EGFLAM: variants seen among roughly 807,000 people sequenced by gnomAD.
The protein encoded by EGFLAM is pikachurin.
A neutral mutation model predicts 113.1 loss-of-function variants in EGFLAM; 79 were observed. That is an observed-to-expected ratio of 0.70 (90% confidence interval 0.58 to 0.84). The LOEUF is 0.84. Ranked by LOEUF, EGFLAM falls within the 40% of genes least tolerant of loss-of-function variation. The pLI is 0.00. For missense variants in EGFLAM, 1,265 were observed against 1,291.6 expected, an observed-to-expected ratio of 0.98 and a Z score of 0.32; for synonymous variants, 504 against 487.6, an observed-to-expected ratio of 1.03 and a Z score of -0.44.
chr5:38,395,953 T>C (rs1443507335), intron 6 of EGFLAM, among the ~76,000 whole-genome samples: 15 of 152,144 alleles, frequency 9.9e-5, no homozygotes, highest in Admixed American at 9.2e-4. Context: ...GTGTGTTCTC[T>C]ACTCATAGAA....
intron 1 of EGFLAM, among the ~76,000 whole-genome samples, chr5:38,285,418 G>A (rs1758133854): frequency 6.6e-6 from 1 of 152,060 alleles, no homozygotes; most frequent in South Asian, 2.1e-4. Context: ...CTGTCACAAC[G>A]GCCTCATTGT....
chr5:38,342,835 A>T (rs932467713), intron 3 of EGFLAM, among the ~76,000 whole-genome samples: 1 of 152,328 alleles, frequency 6.6e-6, no homozygotes, highest in Admixed American at 6.5e-5. Flanking sequence ...ATGCTACGGT[A>T]CTAATATATT....
intron 6 of EGFLAM, among the ~76,000 whole-genome samples, chr5:38,382,042 A>G (rs1490441491): frequency 6.6e-6 from 1 of 152,240 alleles, no homozygotes; most frequent in Non-Finnish European, 1.5e-5. Flanking sequence ...AGTAATTGCA[A>G]AACAGAAATA....
At chr5:38,421,009 T>A (rs1206850398) in intron 12 of EGFLAM, among the ~76,000 whole-genome samples, 1 of 152,196 alleles carries the variant, frequency 6.6e-6, no homozygotes, top group Non-Finnish European at 1.5e-5. Context: ...TTATCCTTCC[T>A]CAGCTTCCAT....
chr5:38,335,108 GT>G (rs1290546056), intron 1 of EGFLAM, among the ~76,000 whole-genome samples: 1 of 152,112 alleles, frequency 6.6e-6, no homozygotes, highest in Non-Finnish European at 1.5e-5. Flanking sequence ...CAAGAGCTCT[GT>G]TTTAAGAATT....
chr5:38,405,441 A>G (rs10085020), intron 6 of EGFLAM, among the ~76,000 whole-genome samples: 33,315 of 152,052 alleles, frequency 0.22, 6,490 homozygotes, highest in African/African-American at 0.53. Context: ...AACTAGATGC[A>G]TTCTTTTGCA....
At chr5:38,296,186 A>G (rs180962844) in intron 1 of EGFLAM, among the ~76,000 whole-genome samples, 155 of 152,328 alleles carry the variant, frequency 1.0e-3, no homozygotes, top group African/African-American at 3.7e-3. Flanking sequence ...GTTAGGAAGA[A>G]GAGTTGTCTC....
chr5:38,408,885 T>C, intron 9 of EGFLAM, 119 bp from the exon 10 acceptor site: 1 of 846,184 alleles, frequency 1.2e-6, no homozygotes, highest in Admixed American at 2.0e-5. Context: ...GCTTGACCCT[T>C]TGTAGATAGG....
At chr5:38,407,180 G>A (rs374989481) in intron 8 of EGFLAM, 34 bp downstream of exon 8, 46 of 1,599,768 alleles carry the variant, frequency 2.9e-5, no homozygotes, top group Non-Finnish European at 3.9e-5. Flanking sequence ...AAGTGGTGAT[G>A]AATTGGCACC....
At chr5:38,426,001 G>T (rs1741994075) in intron 13 of EGFLAM, among the ~76,000 whole-genome samples, 1 of 151,992 alleles carries the variant, frequency 6.6e-6, no homozygotes, top group Non-Finnish European at 1.5e-5. Context: ...TACTCGGGAG[G>T]CTGAGGCAGG....
intron 1 of EGFLAM, among the ~76,000 whole-genome samples, chr5:38,302,468 A>G (rs1229217166): frequency 2.0e-5 from 3 of 152,198 alleles, no homozygotes; most frequent in African/African-American, 7.2e-5. Context: ...AATAATGACT[A>G]CCTCATAAGA....
chr5:38,269,104 A>G (rs1056670833), intron 1 of EGFLAM, among the ~76,000 whole-genome samples: 8 of 152,284 alleles, frequency 5.3e-5, no homozygotes, highest in East Asian at 1.9e-4. Context: ...ACCTGAGCTC[A>G]GGAAGTTGAG....
intron 6 of EGFLAM, among the ~76,000 whole-genome samples, chr5:38,387,193 A>C (rs1260669311): frequency 6.6e-6 from 1 of 152,190 alleles, no homozygotes; most frequent in African/African-American, 2.4e-5. Context: ...TAGAGGCAGA[A>C]AGTAGAAACC....
Position 38,407,037 on chromosome 5 carries a change from T to C in EGFLAM, c.1038T>C (p.Pro346=), listed in dbSNP as rs1741310533. 6.2e-7 allele frequency: 1 copy of C among 1,614,056 alleles called. No individual in the cohort carries two copies. The highest frequency in any genetic ancestry group is 8.5e-7 in the Non-Finnish European group (1 of 1,180,036). ...VAIMSRLFDM[P]CDETLCSADS... ...TAATGTCAAGGCTCTTTGACATGCC[T>C]TGTGATGAAACTCTCTGCTCTGCTG... is the stretch of plus-strand genomic sequence containing the variant. The change falls in exon 8 of 22, where the codon CCT becomes CCC. Residue 346 remains proline (P), a synonymous_variant. Coordinates refer to ENST00000322350, the MANE Select transcript of EGFLAM (RefSeq NM_152403.4).
At chr5:38,433,195 G>A (rs968058935) in intron 15 of EGFLAM, among the ~76,000 whole-genome samples, 1 of 152,216 alleles carries the variant, frequency 6.6e-6, no homozygotes, top group African/African-American at 2.4e-5. Context: ...TAGGGCAGGG[G>A]TTAGAGTACA....
chr5:38,340,887 A>C (rs1276000465), intron 3 of EGFLAM, among the ~76,000 whole-genome samples: 1 of 150,986 alleles, frequency 6.6e-6, no homozygotes, highest in African/African-American at 2.4e-5. Context: ...TTGCAGAATA[A>C]AGAGAATGAA....
chr5:38,396,252 C>T (rs1740958790), intron 6 of EGFLAM, among the ~76,000 whole-genome samples: 1 of 143,674 alleles, frequency 7.0e-6, no homozygotes, highest in Admixed American at 6.7e-5. Flanking sequence ...GATTATCCCA[C>T]AGAAGGAGAG....
At chr5:38,351,399 G>A (rs1226443457) in intron 4 of EGFLAM, among the ~76,000 whole-genome samples, 1 of 152,170 alleles carries the variant, frequency 6.6e-6, no homozygotes, top group South Asian at 2.1e-4. Context: ...AAGCCACCGC[G>A]CCTGGTGACA....
chr5:38,349,980 CACACACAG>C (rs1739577756), intron 3 of EGFLAM, among the ~76,000 whole-genome samples: 4 of 133,796 alleles, frequency 3.0e-5, no homozygotes, highest in African/African-American at 1.1e-4. Context: ...CACACACACA[CACACACAG>C]ACAGACACAC....
Sources: gnomAD v4.1 joint callset for allele counts (sites outside exome capture counted in the v4.1 genomes callset) on GRCh38, gnomAD v4.1.1 for gene constraint, MANE v1.5 for transcripts, NCBI Gene and HGNC (gene_info 2026-07-23, HGNC 2026-07-21) for gene names.